Variants in ZBED6 observed in about 807,000 individuals in gnomAD.
ZBED6 encodes zinc finger BED domain-containing protein 6.
In ZBED6, 40 loss-of-function variants were observed where a neutral mutation model predicts 58.4. That is an observed-to-expected ratio of 0.68 (90% CI 0.53 to 0.89). The LOEUF (loss-of-function observed/expected upper bound fraction) is 0.89, where lower values mean the gene tolerates loss of function less well. ZBED6 is among the 40% of genes least tolerant of loss of function. ZBED6 has a pLI of 0.00. For synonymous variants in ZBED6, 439 were observed against 350.6 expected (o/e 1.25, Z -2.82); for missense variants, 1,057 against 1,003.9 (o/e 1.05, Z -0.71).
At chr1:203,824,183 G>A (rs1417357872) in intron 3 of ZBED6, among the ~76,000 whole-genome samples, 1 of 151,106 alleles carries the variant, frequency 6.6e-6, no homozygotes, top group Non-Finnish European at 1.5e-5. Context: ...CAGGAGAATC[G>A]CTTGAACCTG....
chr1:203,797,943 G>A (rs1334506555), exon 1 of ZBED6: 1 of 1,536,008 alleles, frequency 6.5e-7, no homozygotes, highest in South Asian at 1.2e-5. Context: ...CTTCTTTCAT[G>A]TTGACCCCCA....
chr1:203,834,737 C>T (rs1683683763), intron 9 of ZBED6, among the ~76,000 whole-genome samples: 1 of 152,242 alleles, frequency 6.6e-6, no homozygotes, highest in South Asian at 2.1e-4. Flanking sequence ...GCAACCTCCA[C>T]CTCCTGGGTT....
chr1:203,800,276 C>G, exon 1 of ZBED6: 1 of 1,025,316 alleles, frequency 9.8e-7, no homozygotes, highest in Non-Finnish European at 1.5e-6. Context: ...CTGAATGTAT[C>G]TTTACTAAAA....
chr1:203,848,960 C>G (rs1361060954), intron 13 of ZBED6, among the ~76,000 whole-genome samples: 1 of 152,212 alleles, frequency 6.6e-6, no homozygotes, highest in East Asian at 1.9e-4. Flanking sequence ...TCTCGGTTCA[C>G]TGCAACCTTT....
Position 203,852,124 on chromosome 1 carries a change from T to A in ZBED6, c.*4874-17T>A. ...TTTTAAAACGGCAGTTTTCTAATAATCTTTTTTTTCTTACAGTCTTGTGCT... is the reference window on the plus strand; with the variant it reads ...TTTTAAAACGGCAGTTTTCTAATAAACTTTTTTTTCTTACAGTCTTGTGCT... On this transcript the variant is annotated splice_polypyrimidine_tract_variant and intron_variant, in intron 16 of 16. Transcript: ENST00000550078. The A allele has an allele frequency of 6.2e-7, 1 of 1,613,082 alleles. No individual in the cohort carries two copies. The highest frequency in any genetic ancestry group is 8.5e-7 in the Non-Finnish European group (1 of 1,179,730).
Position 203,806,046 on chromosome 1 carries a change from A to G in ZBED6, c.*2554+3030A>G, listed in dbSNP as rs140182696. 7.4e-4 allele frequency: 389 copies of G among 529,238 alleles called. 1 individual carries two copies. The highest frequency in any genetic ancestry group is 7.0e-3 in the African/African-American group (362 of 52,040). 32.8% of individuals were successfully genotyped at this position (529,238 alleles called of 1,614,324 possible). The stretch of plus-strand genomic sequence containing the variant: ...GGGTGCGATTGTCCTGCTGCTGCTC[A>G]TACATCCGCTTTTGTTTTAAAACTC... On this transcript the variant is annotated intron_variant, in intron 1 of 16. Coordinates refer to ENST00000550078, the Ensembl canonical transcript of ZBED6.
exon 1 of ZBED6, chr1:203,799,160 G>C: frequency 1.4e-6 from 2 of 1,448,846 alleles, no homozygotes; most frequent in Non-Finnish European, 1.9e-6. Context: ...TAAATGACCA[G>C]ATTGGTCTGT....
chr1:203,833,618 GT>G (rs553171669), intron 8 of ZBED6, among the ~76,000 whole-genome samples, 172 bp from the exon 9 acceptor site: 68,787 of 124,790 alleles, frequency 0.55, 18,197 homozygotes, highest in Middle Eastern at 0.68. Flanking sequence ...ATAGGTTTGG[GT>G]TTTTTTTTTT....
chr1:203,819,197 C>T (rs907833376), intron 3 of ZBED6, among the ~76,000 whole-genome samples: 43 of 150,148 alleles, frequency 2.9e-4, no homozygotes, highest in African/African-American at 9.8e-4. Flanking sequence ...CACAACTTTC[C>T]TCTATGCAAT....
intron 16 of ZBED6, among the ~76,000 whole-genome samples, 166 bp from the exon 17 acceptor site, chr1:203,851,968 CAAAAAAA>C (rs57160781): frequency 2.2e-5 from 1 of 45,842 alleles, no homozygotes; most frequent in African/African-American, 1.0e-4. Context: ...GACTCTGCCT[CAAAAAAA>C]AAAAAAAAAA....
chr1:203,833,617 G>GGTTTTTTT (rs1683189948), intron 8 of ZBED6, among the ~76,000 whole-genome samples, 174 bp from the exon 9 acceptor site: 1 of 72,084 alleles, frequency 1.4e-5, no homozygotes. Context: ...AATAGGTTTG[G>GGTTTTTTT]GTTTTTTTTT....
In ZBED6 at chr1:203,848,119, A is replaced by G. The variant is rs564308487; in HGVS notation, c.*4246-212A>G. On this transcript the variant is annotated intron_variant, in intron 12 of 16. Transcript: ENST00000550078. ...GTGATCTGCTTGCTTCAGTCTCCCA[A>G]AGTGCTGGGGTTACAGGTGTGAGCC... is the stretch of plus-strand genomic sequence containing the variant. Among the ~76,000 whole-genome samples the G allele has an allele frequency of 7.2e-5, 11 of 152,204 alleles. 1 individual carries two copies. The highest frequency in any genetic ancestry group is 5.9e-4 in the Admixed American group (9 of 15,284).
intron 1 of ZBED6, chr1:203,806,147 C>T: frequency 2.0e-6 from 1 of 503,722 alleles, no homozygotes; most frequent in South Asian, 1.5e-5. Flanking sequence ...TTCACTAGCT[C>T]AGCATCCAAT....
intron 11 of ZBED6, among the ~76,000 whole-genome samples, chr1:203,841,141 T>C (rs1360323352): frequency 1.4e-5 from 2 of 145,246 alleles, no homozygotes; most frequent in African/African-American, 5.1e-5. Flanking sequence ...AACATAAGAA[T>C]CTTTTTTTTT....
chr1:203,805,233 A>T (rs1005619824), intron 1 of ZBED6, among the ~76,000 whole-genome samples: 1 of 150,482 alleles, frequency 6.6e-6, no homozygotes, highest in Non-Finnish European at 1.5e-5. Context: ...TCCTGGGTTC[A>T]AGCAATTCTC....
chr1:203,850,231 G>A, intron 14 of ZBED6: 1 of 666,998 alleles, frequency 1.5e-6, no homozygotes, highest in South Asian at 2.0e-5. Context: ...TATTTAAAAA[G>A]CTTTGTGTAA....
At chr1:203,807,199 G>C (rs1433651067) in intron 1 of ZBED6, among the ~76,000 whole-genome samples, 1 of 151,992 alleles carries the variant, frequency 6.6e-6, no homozygotes, top group Non-Finnish European at 1.5e-5. Flanking sequence ...ATATACAGCT[G>C]GTTCAATTTG....
chr1:203,838,482 C>T (rs1431671420), intron 10 of ZBED6, among the ~76,000 whole-genome samples: 1 of 152,200 alleles, frequency 6.6e-6, no homozygotes, highest in Non-Finnish European at 1.5e-5. Context: ...GAGACTGTGT[C>T]TCAGGCAGAG....
chr1:203,850,056 A>G, intron 14 of ZBED6, 30 bp downstream of exon 14: 1 of 1,594,796 alleles, frequency 6.3e-7, no homozygotes, highest in South Asian at 1.1e-5. Flanking sequence ...GTATTGCTTT[A>G]GGTTATCAAA....
Sources: allele counts gnomAD v4.1 joint callset (sites outside exome capture counted in the v4.1 genomes callset), GRCh38; gene constraint gnomAD v4.1.1; transcripts MANE v1.5; gene names NCBI Gene and HGNC (gene_info 2026-07-23, HGNC 2026-07-21).